EPHA6: variants seen among roughly 807,000 people sequenced by gnomAD.
EPHA6 encodes the protein ephrin type-A receptor 6.
In EPHA6, 50 loss-of-function variants were observed where a neutral mutation model predicts 112.0. The ratio of observed to expected loss-of-function variants is 0.45; its 90% confidence interval spans 0.36 to 0.56. The LOEUF is 0.56. Among genes scored for constraint, EPHA6 ranks in the 20% least tolerant of loss-of-function variants. The pLI, the probability that EPHA6 is intolerant of heterozygous loss-of-function variation, is 0.00. For synonymous variants in EPHA6, 529 were observed against 490.7 expected, an observed-to-expected ratio of 1.08 and a Z score of -1.03; for missense variants, 1,280 against 1,417.4, an observed-to-expected ratio of 0.90 and a Z score of 1.56.
intron 5 of EPHA6, among the ~76,000 whole-genome samples, chr3:97,399,196 C>G (rs2086850452): frequency 6.6e-6 from 1 of 151,488 alleles, no homozygotes; most frequent in Non-Finnish European, 1.5e-5. Flanking sequence ...ACATGCAGTA[C>G]TTATCTTTCT....
rs188993820 is a variant in EPHA6, at chr3:97,206,088, C to T, written c.1115-20176C>T. On this transcript the variant is annotated intron_variant, in intron 3 of 17. Transcript: ENST00000389672. ...AATATATCTAATAGTTATGTCTAAGCCGCACTTAAAGTTTATCTTGTTTTT... is the reference window on the plus strand; with the variant it reads ...AATATATCTAATAGTTATGTCTAAGTCGCACTTAAAGTTTATCTTGTTTTT... Among the ~76,000 whole-genome samples the T allele has an allele frequency of 7.9e-5, 12 of 152,110 alleles. No homozygotes were observed. In the East Asian group the frequency reaches 2.1e-3, roughly 27 times the overall value.
chr3:97,413,965 A>G (rs910152156), intron 6 of EPHA6, among the ~76,000 whole-genome samples: 5 of 152,002 alleles, frequency 3.3e-5, no homozygotes. Context: ...AGATTTGTTC[A>G]TTTCAGATGC....
intron 3 of EPHA6, among the ~76,000 whole-genome samples, chr3:97,109,270 TCTCACAGTCTAA>T (rs1425135666): frequency 2.0e-5 from 3 of 152,174 alleles, no homozygotes; most frequent in African/African-American, 7.2e-5. Flanking sequence ...TAAATGGACC[TCTCACAGTCTAA>T]CTTTTTATAG....
At chr3:97,739,534 A>G (rs1357465545) in intron 16 of EPHA6, among the ~76,000 whole-genome samples, 1 of 152,136 alleles carries the variant, frequency 6.6e-6, no homozygotes, top group Non-Finnish European at 1.5e-5. Flanking sequence ...TTATACTAAC[A>G]TATTGGAAAT....
intron 2 of EPHA6, among the ~76,000 whole-genome samples, chr3:96,909,581 C>A (rs1421224045): frequency 6.6e-6 from 1 of 151,630 alleles, no homozygotes; most frequent in Non-Finnish European, 1.5e-5. Flanking sequence ...TATACTTTAC[C>A]TTTTTCCAAA....
At chr3:97,185,094 C>T (rs1468972070) in intron 3 of EPHA6, among the ~76,000 whole-genome samples, 3 of 150,572 alleles carry the variant, frequency 2.0e-5, no homozygotes, top group Non-Finnish European at 4.4e-5. Context: ...CAATGTTAGA[C>T]CTAAAGCCAT....
chr3:96,887,354 C>G (rs2107528737), intron 2 of EPHA6, among the ~76,000 whole-genome samples: 1 of 152,296 alleles, frequency 6.6e-6, no homozygotes, highest in East Asian at 1.9e-4. Flanking sequence ...TGATTGTCTT[C>G]TCTCTTCTGG....
intron 5 of EPHA6, among the ~76,000 whole-genome samples, chr3:97,391,340 T>C (rs2086384240): frequency 6.6e-6 from 1 of 151,990 alleles, no homozygotes; most frequent in South Asian, 2.1e-4. Context: ...TGTGTTTGTA[T>C]GGCACCATAC....
intron 6 of EPHA6, among the ~76,000 whole-genome samples, chr3:97,435,496 A>G (rs1231077596): frequency 6.6e-6 from 1 of 152,202 alleles, no homozygotes; most frequent in Non-Finnish European, 1.5e-5. Context: ...AGTTATTTGA[A>G]TCTGGACTAT....
intron 3 of EPHA6, among the ~76,000 whole-genome samples, chr3:97,099,111 A>G (rs2047330518): frequency 6.6e-6 from 1 of 151,960 alleles, no homozygotes; most frequent in Non-Finnish European, 1.5e-5. Context: ...TGATATGTTA[A>G]TGTGAAGTAA....
chr3:97,487,400 C>A (rs1330044602), intron 10 of EPHA6, among the ~76,000 whole-genome samples: 2 of 152,210 alleles, frequency 1.3e-5, no homozygotes, highest in African/African-American at 4.8e-5. Context: ...TGTGACATTT[C>A]TTACCACATT....
intron 11 of EPHA6, among the ~76,000 whole-genome samples, chr3:97,546,541 T>C (rs2092952217): frequency 6.6e-6 from 1 of 152,184 alleles, no homozygotes; most frequent in South Asian, 2.1e-4. Flanking sequence ...CAATTATGTG[T>C]CTTGGGGTTG....
chr3:97,094,969 A>G (rs2047189663), intron 3 of EPHA6, among the ~76,000 whole-genome samples: 1 of 151,686 alleles, frequency 6.6e-6, no homozygotes, highest in Non-Finnish European at 1.5e-5. Flanking sequence ...GGTAACCTAT[A>G]ATTTGGAAGT....
At chr3:97,618,137 A>T (rs138272993) in intron 13 of EPHA6, among the ~76,000 whole-genome samples, 3,032 of 152,188 alleles carry the variant, frequency 0.02, 45 homozygotes, top group Non-Finnish European at 0.032. Context: ...TCAAAACCAC[A>T]CAATTACATG....
At chr3:97,447,140 T>A (rs570327831) in intron 6 of EPHA6, among the ~76,000 whole-genome samples, 42 of 152,118 alleles carry the variant, frequency 2.8e-4, no homozygotes, top group African/African-American at 1.0e-3. Flanking sequence ...ACAAGGAAGG[T>A]CATAAAGTTT....
intron 12 of EPHA6, among the ~76,000 whole-genome samples, chr3:97,600,846 T>TACA (rs2093637665): frequency 1.3e-5 from 2 of 152,146 alleles, no homozygotes; most frequent in South Asian, 2.1e-4. Context: ...ATCAAGCTCT[T>TACA]GAGCATTACA....
At chr3:96,847,001 T>C (rs1285816845) in intron 1 of EPHA6, among the ~76,000 whole-genome samples, 2 of 152,084 alleles carry the variant, frequency 1.3e-5, no homozygotes, top group South Asian at 2.1e-4. Context: ...AGTAACAGTC[T>C]GTCTTCCTGG....
intron 5 of EPHA6, among the ~76,000 whole-genome samples, chr3:97,324,457 CTTTCTTT>C (rs2082302859): frequency 6.9e-6 from 1 of 143,960 alleles, no homozygotes; most frequent in African/African-American, 2.6e-5. Context: ...TTCTTTCTTT[CTTTCTTT>C]CTTTCTTTTT....
intron 2 of EPHA6, among the ~76,000 whole-genome samples, chr3:96,945,739 G>A (rs2041222219): frequency 6.6e-6 from 1 of 152,028 alleles, no homozygotes; most frequent in South Asian, 2.1e-4. Context: ...AATAAAATTA[G>A]TAGATTAAAG....
Sources: allele counts gnomAD v4.1 joint callset (sites outside exome capture counted in the v4.1 genomes callset), GRCh38; gene constraint gnomAD v4.1.1; transcripts MANE v1.5; gene names NCBI Gene and HGNC (gene_info 2026-07-23, HGNC 2026-07-21).